The following PLEKHA1 variants were observed in gnomAD, a reference collection of about 807,000 sequenced individuals.
PLEKHA1 encodes pleckstrin homology domain containing A1.
Under a neutral mutation model 52.0 loss-of-function variants are expected in PLEKHA1, and 34 were observed. That is an observed-to-expected ratio of 0.65 (90% confidence interval 0.50 to 0.87). The LOEUF is 0.87. Among genes scored for constraint, PLEKHA1 ranks in the 40% least tolerant of loss-of-function variants. The pLI, the probability that PLEKHA1 is intolerant of heterozygous loss-of-function variation, is 0.00. For missense variants in PLEKHA1, 497 were observed against 504.2 expected, an observed-to-expected ratio of 0.99 and a Z score of 0.14; for synonymous variants, 163 against 170.7, an observed-to-expected ratio of 0.95 and a Z score of 0.35.
chr10:122,441,919 G>C, the PLEKHA1 span: 2 of 152,174 alleles, frequency 1.3e-5, no homozygotes, highest in Non-Finnish European at 2.9e-5. Context: ...TAAATGTTTG[G>C]AATCTTTTAT....
At chr10:122,433,310 CTG>C (rs2097426710), downstream of PLEKHA1, 1 of 152,194 alleles carries the variant, frequency 6.6e-6, no homozygotes, top group South Asian at 2.1e-4. Flanking sequence ...TCAATGCTAA[CTG>C]AGATAAATTG....
chr10:122,441,352 C>T, the PLEKHA1 span: 2 of 152,200 alleles, frequency 1.3e-5, no homozygotes, highest in East Asian at 3.9e-4. Context: ...TCTGTAGTCC[C>T]AGCGACTTGC....
chr10:122,376,350 AAG>A (rs1000543535), intron 1 of PLEKHA1, among the ~76,000 whole-genome samples: 3 of 151,912 alleles, frequency 2.0e-5, no homozygotes, highest in African/African-American at 7.2e-5. Flanking sequence ...ACATTTAAAA[AAG>A]AGTATTTAAG....
chr10:122,416,242 A>G (rs1209813629), intron 7 of PLEKHA1, among the ~76,000 whole-genome samples: 1 of 152,178 alleles, frequency 6.6e-6, no homozygotes, highest in African/African-American at 2.4e-5. Flanking sequence ...TTCAGTTTAA[A>G]TGAGCTTTCC....
At chr10:122,386,525 CT>C (rs34039440) in intron 1 of PLEKHA1, 1 of 151,992 alleles carries the variant, frequency 6.6e-6, no homozygotes, top group Non-Finnish European at 1.5e-5. Flanking sequence ...ATGGTTCAGG[CT>C]TTTTGTGTCT....
At chr10:122,427,528 A>G (rs553317188) in intron 11 of PLEKHA1, among the ~76,000 whole-genome samples, 90 of 152,356 alleles carry the variant, frequency 5.9e-4, no homozygotes, top group African/African-American at 2.1e-3. Context: ...CCTTAAATAC[A>G]GTTCAGTGCT....
intron 3 of PLEKHA1, 94 bp from the exon 4 acceptor site, chr10:122,400,249 G>T: frequency 1.1e-6 from 1 of 902,798 alleles, no homozygotes; most frequent in Non-Finnish European, 1.6e-6. Context: ...TATGATTATT[G>T]GGGAATCATA....
At chr10:122,404,358 A>G (rs780061074) in intron 4 of PLEKHA1, among the ~76,000 whole-genome samples, 17 of 152,280 alleles carry the variant, frequency 1.1e-4, no homozygotes, top group Non-Finnish European at 2.2e-4. Context: ...ATATATTTGC[A>G]TCTCTTCCTT....
At chr10:122,415,594 T>C (rs538847626) in intron 6 of PLEKHA1, among the ~76,000 whole-genome samples, 7 of 152,300 alleles carry the variant, frequency 4.6e-5, no homozygotes, top group Non-Finnish European at 4.4e-5. Flanking sequence ...TGAATCCTTA[T>C]AATTATTTCA....
At position 122,374,770 on chromosome 10, in the gene PLEKHA1, G is replaced by A. The variant is rs1590122764; in HGVS notation, c.-57G>A. 1 of 151,908 alleles carries A rather than the reference G, an allele frequency of 6.6e-6. No homozygotes were observed. The highest frequency in any genetic ancestry group is 2.0e-4 in the South Asian group (1 of 4,978). 9.4% of individuals were successfully genotyped at this position (151,908 alleles called of 1,614,324 possible). A position where few individuals can be genotyped will look rare whatever the true frequency, so the allele number is the denominator to read the frequency against. ...GCAGCCGAGCCTCTGTGGGAGCCGGGGCCGCGGCGGCGCGGGTGCTCCGGG... is the reference window on the plus strand; with the variant it reads ...GCAGCCGAGCCTCTGTGGGAGCCGGAGCCGCGGCGGCGCGGGTGCTCCGGG... On this transcript the variant is annotated 5_prime_UTR_variant, in exon 1 of 12. Transcript: ENST00000368990.
chr10:122,441,093 C>G, the PLEKHA1 span: 4 of 152,138 alleles, frequency 2.6e-5, no homozygotes, highest in African/African-American at 9.7e-5. Context: ...TGCTCCCATC[C>G]CAGTCCTACT....
At position 122,378,054 on chromosome 10, in the gene PLEKHA1, C is replaced by T. The variant is rs540392457; in HGVS notation, c.-21+3248C>T. On this transcript the variant is annotated intron_variant, in intron 1 of 11. Transcript: ENST00000368990. ...AAGTTGTGGTTTTTAGCCCTTTAGG[C>T]AGCCTAGCCTTTTATGGTTTAACCA... Among the ~76,000 whole-genome samples, 20 of 152,274 alleles carry T rather than the reference C, an allele frequency of 1.3e-4. 1 individual carries two copies. In the South Asian group the frequency reaches 3.9e-3, roughly 30 times the overall value.
chr10:122,385,124 T>C (rs1302703933), intron 1 of PLEKHA1, among the ~76,000 whole-genome samples: 2 of 152,070 alleles, frequency 1.3e-5, no homozygotes, highest in Non-Finnish European at 2.9e-5. Context: ...TCATGCCACT[T>C]ACAGTCCTTC....
chr10:122,407,449 T>C (rs1686014087), intron 5 of PLEKHA1, among the ~76,000 whole-genome samples: 1 of 152,194 alleles, frequency 6.6e-6, no homozygotes, highest in South Asian at 2.1e-4. Context: ...GTGTTATAGC[T>C]GGTAGATTAT....
intron 3 of PLEKHA1, 93 bp downstream of exon 3, chr10:122,398,067 T>A: frequency 1.0e-6 from 1 of 1,000,376 alleles, no homozygotes; most frequent in Non-Finnish European, 1.5e-6. Context: ...CCATGTCCTT[T>A]AACAGTGATG....
chr10:122,385,216 A>G (rs1806566646), intron 1 of PLEKHA1, among the ~76,000 whole-genome samples: 1 of 151,874 alleles, frequency 6.6e-6, no homozygotes, highest in East Asian at 1.9e-4. Context: ...TTTTATAGAA[A>G]TATAATTATT....
intron 3 of PLEKHA1, among the ~76,000 whole-genome samples, chr10:122,399,855 G>A (rs968830822): frequency 1.3e-5 from 2 of 152,120 alleles, no homozygotes; most frequent in Admixed American, 6.5e-5. Flanking sequence ...AAAGTGCTGG[G>A]ATTACAGGCG....
chr10:122,400,785 G>A (rs2096917116), intron 4 of PLEKHA1, among the ~76,000 whole-genome samples: 1 of 152,206 alleles, frequency 6.6e-6, no homozygotes, highest in Non-Finnish European at 1.5e-5. Context: ...GGTAGGAGTA[G>A]TTGAGGGTAT....
At chr10:122,389,894 C>A (rs1202298291) in intron 1 of PLEKHA1, among the ~76,000 whole-genome samples, 1 of 151,856 alleles carries the variant, frequency 6.6e-6, no homozygotes, top group Non-Finnish European at 1.5e-5. Flanking sequence ...TAGCCCCTAA[C>A]AAGAGTCAGC....
Sources: allele counts gnomAD v4.1 joint callset (sites outside exome capture counted in the v4.1 genomes callset), GRCh38; gene constraint gnomAD v4.1.1; transcripts MANE v1.5; gene names NCBI Gene and HGNC (gene_info 2026-07-23, HGNC 2026-07-21).